RSPO2: variants seen among roughly 807,000 people sequenced by gnomAD.
RSPO2 encodes R-spondin-2.
Under a neutral mutation model 30.9 loss-of-function variants are expected in RSPO2, and 14 were observed. The observed-to-expected ratio is 0.45, with a 90% confidence interval of 0.30 to 0.71. RSPO2 has a LOEUF of 0.71. RSPO2 is among the 30% of genes least tolerant of loss of function. The pLI, the probability that RSPO2 is intolerant of heterozygous loss-of-function variation, is 0.08. For missense variants in RSPO2, 264 were observed against 301.9 expected (o/e 0.87, Z 0.93); for synonymous variants, 107 against 96.4 (o/e 1.11, Z -0.64).
chr8:107,903,454 ATTTCG>A (rs1811542229), intron 5 of RSPO2, among the ~76,000 whole-genome samples: 2 of 152,202 alleles, frequency 1.3e-5, no homozygotes, highest in African/African-American at 4.8e-5. Context: ...AAGATGGTCA[ATTTCG>A]TTTCATTTAC....
At chr8:108,037,356 C>T (rs1211699683) in intron 2 of RSPO2, among the ~76,000 whole-genome samples, 2 of 152,142 alleles carry the variant, frequency 1.3e-5, no homozygotes, top group African/African-American at 2.4e-5. Context: ...AGAGCAAGAT[C>T]CTAACTCTCT....
At chr8:107,907,401 T>G (rs1477831311) in intron 5 of RSPO2, among the ~76,000 whole-genome samples, 3 of 152,094 alleles carry the variant, frequency 2.0e-5, no homozygotes, top group Admixed American at 6.6e-5. Flanking sequence ...ATCATTTTCC[T>G]TAAGAAAAAA....
At chr8:107,906,677 A>C (rs1811658952) in intron 5 of RSPO2, among the ~76,000 whole-genome samples, 1 of 152,010 alleles carries the variant, frequency 6.6e-6, no homozygotes, top group Non-Finnish European at 1.5e-5. Flanking sequence ...AAAGCAGTTC[A>C]AGTGGGCAAA....
At chr8:108,042,885 G>A (rs971442252) in intron 2 of RSPO2, among the ~76,000 whole-genome samples, 1 of 151,856 alleles carries the variant, frequency 6.6e-6, no homozygotes, top group Non-Finnish European at 1.5e-5. Flanking sequence ...AGCTGTAAGA[G>A]CTTCTCACCT....
rs934189531 is a variant in RSPO2 at position 107,901,021 on chromosome 8, T to G, written c.*54A>C. ...CCAGTGTGCAGGAGTGGAGAGTAGCTTTGTGCACATTTGCAAAAACAAAAA... is the reference window on the plus strand; with the variant it reads ...CCAGTGTGCAGGAGTGGAGAGTAGCGTTGTGCACATTTGCAAAAACAAAAA... On this transcript the variant is annotated 3_prime_UTR_variant, in exon 6 of 6. Coordinates refer to ENST00000276659, the MANE Select transcript of RSPO2 (RefSeq NM_178565.5). 1 of 1,595,564 alleles carries G rather than the reference T, an allele frequency of 6.3e-7. No homozygotes were observed. The highest frequency in any genetic ancestry group is 8.6e-7 in the Non-Finnish European group (1 of 1,167,702).
At chr8:108,030,273 A>G (rs1029499240) in intron 2 of RSPO2, among the ~76,000 whole-genome samples, 8 of 152,166 alleles carry the variant, frequency 5.3e-5, no homozygotes, top group African/African-American at 1.9e-4. Flanking sequence ...GTATTCATTC[A>G]TGTGACCAAA....
At chr8:107,937,615 G>GA (rs34321211) in intron 5 of RSPO2, among the ~76,000 whole-genome samples, 2,970 of 146,106 alleles carry the variant, frequency 0.02, 71 homozygotes, top group African/African-American at 0.053. Context: ...TCATTTGAAG[G>GA]AAAAAAAAAA....
intron 5 of RSPO2, among the ~76,000 whole-genome samples, chr8:107,942,085 G>A (rs1411325249): frequency 6.6e-6 from 1 of 152,152 alleles, no homozygotes; most frequent in Admixed American, 6.5e-5. Context: ...AGAAAACTGA[G>A]ATAAGCAGAG....
Position 107,945,341 on chromosome 8 carries a change from C to T in RSPO2, c.616+12739G>A, listed in dbSNP as rs149249278. Among the ~76,000 whole-genome samples the T allele has an allele frequency of 6.0e-5, 9 of 149,310 alleles. No individual in the cohort carries two copies. In the East Asian group the frequency reaches 8.0e-4, roughly 13 times the overall value. ...TCGGCTCACTACAAGCTCCGCCTCC[C>T]GGGTTCATGCTATCCTCCTGCCTCA... On this transcript the variant is annotated intron_variant, in intron 5 of 5. Transcript: ENST00000276659.
chr8:107,987,140 T>G (rs147509344), intron 3 of RSPO2, among the ~76,000 whole-genome samples: 136 of 152,314 alleles, frequency 8.9e-4, no homozygotes, highest in African/African-American at 3.0e-3. Context: ...AGGATCAAGT[T>G]TGATTCTTTC....
chr8:108,078,797 C>G (rs1813094359), intron 2 of RSPO2, among the ~76,000 whole-genome samples: 1 of 152,154 alleles, frequency 6.6e-6, no homozygotes, highest in Non-Finnish European at 1.5e-5. Context: ...CCCCTGCCAT[C>G]GGACCACCAG....
intron 2 of RSPO2, among the ~76,000 whole-genome samples, chr8:108,024,345 C>T (rs1287466067): frequency 6.6e-6 from 1 of 151,808 alleles, no homozygotes; most frequent in East Asian, 1.9e-4. Flanking sequence ...TACTTCCATG[C>T]AGTATAGTAC....
intron 2 of RSPO2, among the ~76,000 whole-genome samples, chr8:107,997,406 T>C (rs1428958415): frequency 6.6e-6 from 1 of 152,224 alleles, no homozygotes; most frequent in Non-Finnish European, 1.5e-5. Context: ...TTGCTCTCTG[T>C]GAGCTTCAAC....
At chr8:107,901,221 C>G in intron 5 of RSPO2, 31 bp from the exon 6 acceptor site, 1 of 1,586,418 alleles carries the variant, frequency 6.3e-7, no homozygotes, top group East Asian at 2.3e-5. Flanking sequence ...GAAGAGATGT[C>G]AGAAATGGCT....
intron 2 of RSPO2, among the ~76,000 whole-genome samples, chr8:107,996,527 A>T (rs1217668854): frequency 1.3e-5 from 2 of 152,184 alleles, no homozygotes; most frequent in Non-Finnish European, 2.9e-5. Flanking sequence ...TAGCTTTATA[A>T]ATAAAAGGAG....
At chr8:107,945,301 T>G (rs1273054307) in intron 5 of RSPO2, among the ~76,000 whole-genome samples, 1 of 130,560 alleles carries the variant, frequency 7.7e-6, no homozygotes, top group Non-Finnish European at 1.6e-5. Flanking sequence ...CAGGCTGGAG[T>G]GCAGTGGCGC....
intron 3 of RSPO2, among the ~76,000 whole-genome samples, chr8:107,962,565 T>C (rs2130445987): frequency 6.6e-6 from 1 of 152,296 alleles, no homozygotes; most frequent in Non-Finnish European, 1.5e-5. Flanking sequence ...AAAAGGTTCA[T>C]TTGTAGTCTT....
chr8:108,075,054 TTAATA>T (rs1404218925), intron 2 of RSPO2, among the ~76,000 whole-genome samples: 7 of 152,258 alleles, frequency 4.6e-5, no homozygotes, highest in African/African-American at 1.2e-4. Context: ...ACTTATATTA[TTAATA>T]TGAGTATATA....
At chr8:108,058,217 G>C (rs922694421) in intron 2 of RSPO2, among the ~76,000 whole-genome samples, 1 of 152,126 alleles carries the variant, frequency 6.6e-6, no homozygotes, top group East Asian at 1.9e-4. Context: ...CAGACAAACA[G>C]AGCCAAATCA....
Sources: allele counts gnomAD v4.1 joint callset (sites outside exome capture counted in the v4.1 genomes callset), GRCh38; gene constraint gnomAD v4.1.1; transcripts MANE v1.5; gene names NCBI Gene and HGNC (gene_info 2026-07-23, HGNC 2026-07-21).